SULT1B1: variants seen among roughly 807,000 people sequenced by gnomAD.
SULT1B1 encodes the protein sulfotransferase 1B1.
SULT1B1 carries 28 observed loss-of-function variants against 34.6 expected under a neutral mutation model. That is an observed-to-expected ratio of 0.81 (90% CI 0.60 to 1.11). The LOEUF (loss-of-function observed/expected upper bound fraction) is 1.11. Among genes scored for constraint, SULT1B1 ranks in the 50% least tolerant of loss-of-function variants. The pLI is 0.00. For synonymous variants in SULT1B1, 147 were observed against 110.2 expected (o/e 1.33, Z -2.09); for missense variants, 374 against 352.2 (o/e 1.06, Z -0.50).
intron 1 of SULT1B1, among the ~76,000 whole-genome samples, chr4:69,756,904 C>G (rs1719212167): frequency 6.6e-6 from 1 of 151,962 alleles, no homozygotes. Flanking sequence ...GGAAGGCAAT[C>G]TGCTGTACTC....
Position 69,722,975 on chromosome 4 carries a change from A to T in SULT1B1, c.*4113T>A, listed in dbSNP as rs1409251438. 3 of 152,030 alleles carry T rather than the reference A, an allele frequency of 2.0e-5. No individual in the cohort carries two copies. The highest frequency in any genetic ancestry group is 4.4e-5 in the Non-Finnish European group (3 of 68,008). 9.4% of individuals were successfully genotyped at this position (152,030 alleles called of 1,614,324 possible). A position where few individuals can be genotyped will look rare whatever the true frequency, so the allele number is the denominator to read the frequency against. On this transcript the variant is annotated 3_prime_UTR_variant, in exon 8 of 8. Coordinates refer to ENST00000310613, the MANE Select transcript of SULT1B1 (RefSeq NM_014465.4). Reference sequence around the variant, plus strand: ...TCTCAGGAAAAAGACTTTGCTGCACATGGGGATATAAACAACTACTTCTAA... The same window carrying T: ...TCTCAGGAAAAAGACTTTGCTGCACTTGGGGATATAAACAACTACTTCTAA...
chr4:69,744,494 C>A (rs1490843149), intron 4 of SULT1B1, among the ~76,000 whole-genome samples: 2 of 152,210 alleles, frequency 1.3e-5, no homozygotes, highest in South Asian at 4.1e-4. Context: ...CTCCCCACTG[C>A]AGCCGATGTG....
intron 4 of SULT1B1, among the ~76,000 whole-genome samples, 177 bp downstream of exon 4, chr4:69,749,544 T>C (rs1718888821): frequency 6.6e-6 from 1 of 152,164 alleles, no homozygotes; most frequent in Non-Finnish European, 1.5e-5. Context: ...CTTGAGTATA[T>C]AAACTCAGAC....
intron 4 of SULT1B1, among the ~76,000 whole-genome samples, chr4:69,742,666 G>A (rs1718595263): frequency 6.6e-6 from 1 of 152,168 alleles, no homozygotes; most frequent in South Asian, 2.1e-4. Flanking sequence ...CTTTGTCCAA[G>A]GTTTGCTCTG....
At chr4:69,728,121 G>A (rs965126130) in intron 7 of SULT1B1, among the ~76,000 whole-genome samples, 4 of 151,910 alleles carry the variant, frequency 2.6e-5, no homozygotes, top group African/African-American at 7.2e-5. Flanking sequence ...TTGAATAAGG[G>A]TTCAACATAA....
chr4:69,748,053 G>A (rs994377426), intron 4 of SULT1B1, among the ~76,000 whole-genome samples: 1 of 151,922 alleles, frequency 6.6e-6, no homozygotes, highest in Admixed American at 6.6e-5. Flanking sequence ...TACTTTAAAT[G>A]TATATAATAT....
rs2110013063 is a variant in SULT1B1, at chr4:69,722,712, A to C, written c.*4376T>G. The C allele has an allele frequency of 6.6e-6, 1 of 152,216 alleles. No homozygotes were observed. The highest frequency in any genetic ancestry group is 1.9e-4 in the East Asian group (1 of 5,178). The allele number at this position is 152,216 out of a possible 1,614,324, so 9.4% of individuals were successfully genotyped here. The stretch of plus-strand genomic sequence containing the variant: ...TCCTTTGCTGGGGTTGGAAAAGAGA[A>C]ATGTTACAGCTTAAGGAGCTATTTT... On this transcript the variant is annotated 3_prime_UTR_variant, in exon 8 of 8. Transcript: ENST00000310613.
At position 69,725,596 on chromosome 4, in the gene SULT1B1, C is replaced by T. The variant is rs1717802352; in HGVS notation, c.*1492G>A. On this transcript the variant is annotated 3_prime_UTR_variant, in exon 8 of 8. Transcript: ENST00000310613. ...CGTATATTTATTGCGGCACTATTCA[C>T]AATAGCAAAGACTTGGAACCAACCC... 1 of 152,036 alleles carries T rather than the reference C, an allele frequency of 6.6e-6. No individual in the cohort carries two copies. Among genetic ancestry groups the T allele is most frequent in the Non-Finnish European group, 1.5e-5 (1 of 68,022 alleles). The allele number at this position is 152,036 out of a possible 1,614,324, so 9.4% of individuals were successfully genotyped here.
At chr4:69,735,164 C>G (rs927818291) in intron 4 of SULT1B1, among the ~76,000 whole-genome samples, 4 of 152,102 alleles carry the variant, frequency 2.6e-5, no homozygotes, top group Admixed American at 6.6e-5. Flanking sequence ...ATTCAACTTA[C>G]AATGATACAA....
At chr4:69,728,270 A>T (rs1393171337) in intron 7 of SULT1B1, among the ~76,000 whole-genome samples, 1 of 152,116 alleles carries the variant, frequency 6.6e-6, no homozygotes, top group Non-Finnish European at 1.5e-5. Context: ...AAACACATTT[A>T]CTTCAAAAAA....
At chr4:69,737,919 T>G (rs940929412) in intron 4 of SULT1B1, among the ~76,000 whole-genome samples, 2 of 152,196 alleles carry the variant, frequency 1.3e-5, no homozygotes, top group Non-Finnish European at 2.9e-5. Context: ...GTTGCATATT[T>G]GTGTGTCACT....
chr4:69,741,404 T>A (rs146995068), intron 4 of SULT1B1, among the ~76,000 whole-genome samples: 14 of 152,352 alleles, frequency 9.2e-5, no homozygotes, highest in African/African-American at 3.4e-4. Flanking sequence ...AATAGCTTTT[T>A]TTCTAGTTGT....
At chr4:69,745,149 T>C (rs1182477026) in intron 4 of SULT1B1, among the ~76,000 whole-genome samples, 1 of 152,150 alleles carries the variant, frequency 6.6e-6, no homozygotes, top group East Asian at 1.9e-4. Flanking sequence ...TATGGCTGAG[T>C]AAAGCATGTG....
At chr4:69,732,378 A>C (rs562111108) in intron 6 of SULT1B1, among the ~76,000 whole-genome samples, 4 of 152,266 alleles carry the variant, frequency 2.6e-5, no homozygotes, top group Non-Finnish European at 4.4e-5. Context: ...CATGGGGCCA[A>C]ATTTCTGTGT....
rs1408598666 is a variant in SULT1B1, at chr4:69,724,742, A to C, written c.*2346T>G. 6.6e-6 allele frequency: 1 copy of C among 152,278 alleles called. No individual in the cohort carries two copies. The highest frequency in any genetic ancestry group is 1.5e-5 in the Non-Finnish European group (1 of 68,082). The allele number at this position is 152,278 out of a possible 1,614,324, so 9.4% of individuals were successfully genotyped here. On this transcript the variant is annotated 3_prime_UTR_variant, in exon 8 of 8. Coordinates refer to ENST00000310613, the MANE Select transcript of SULT1B1 (RefSeq NM_014465.4). ...CACATCTACAATTATCTGATCTTTG[A>C]CAAACCTGACGAAAACAAGCAATGG...
At chr4:69,740,494 A>C (rs1049403366) in intron 4 of SULT1B1, among the ~76,000 whole-genome samples, 1 of 152,182 alleles carries the variant, frequency 6.6e-6, no homozygotes, top group African/African-American at 2.4e-5. Context: ...TGATTCAATT[A>C]CCTCCACCTG....
chr4:69,748,848 C>A (rs1391830011), intron 4 of SULT1B1, among the ~76,000 whole-genome samples: 5 of 151,942 alleles, frequency 3.3e-5, no homozygotes, highest in Admixed American at 2.6e-4. Context: ...GTGTGGGATG[C>A]AACTAAAGCT....
At position 69,752,010 on chromosome 4, in the gene SULT1B1, A is replaced by C. The variant is rs556802450; in HGVS notation, c.278-2192T>G. 1.1e-3 allele frequency among the ~76,000 whole-genome samples: 174 copies of C among 152,308 alleles called. 1 individual carries two copies. The highest frequency in any genetic ancestry group is 3.9e-3 in the African/African-American group (162 of 41,576). Reference sequence around the variant, plus strand: ...TAATCCCTCAGTTCCAAGCTTTCCAAGGATAGGCATGTTTAAGAACATCAA... The same window carrying C: ...TAATCCCTCAGTTCCAAGCTTTCCACGGATAGGCATGTTTAAGAACATCAA... On this transcript the variant is annotated intron_variant, in intron 3 of 7. Transcript: ENST00000310613.
rs2110032277 is a variant in SULT1B1, at chr4:69,755,143, T to C, written c.75A>G (p.Ala25=). 2.5e-6 allele frequency: 4 copies of C among 1,614,034 alleles called. No homozygotes were observed. Among genetic ancestry groups the C allele is most frequent in the Non-Finnish European group, 3.4e-6 (4 of 1,179,866 alleles). The part of the protein sequence containing the change: ...VHGYPMTCAF[A]SNWEKIEQFH... ...ACTGTTCAATTTTTTCCCAGTTGCT[T>C]GCAAAAGCACAGGTCATGGGATAAC... The change falls in exon 2 of 8, where the codon GCA becomes GCG. Residue 25 remains alanine (A), a synonymous_variant. Coordinates refer to ENST00000310613, the MANE Select transcript of SULT1B1 (RefSeq NM_014465.4).
Sources: gnomAD v4.1 joint callset for allele counts (sites outside exome capture counted in the v4.1 genomes callset) on GRCh38, gnomAD v4.1.1 for gene constraint, MANE v1.5 for transcripts, NCBI Gene and HGNC (gene_info 2026-07-23, HGNC 2026-07-21) for gene names.